Variants in KLHL18 observed in about 807,000 individuals in gnomAD.
KLHL18 encodes the protein kelch-like protein 18.
In KLHL18, 38 loss-of-function variants were observed where a neutral mutation model predicts 58.5. That is an observed-to-expected ratio of 0.65 (90% CI 0.50 to 0.85). KLHL18 has a LOEUF of 0.85. KLHL18 is among the 40% of genes least tolerant of loss of function. KLHL18 has a pLI of 0.00. For missense variants in KLHL18, 624 were observed against 778.4 expected (o/e 0.80, Z 2.36); for synonymous variants, 303 against 301.9 (o/e 1.00, Z -0.04).
intron 3 of KLHL18, among the ~76,000 whole-genome samples, chr3:47,329,699 A>G (rs1703809446): frequency 6.6e-6 from 1 of 152,210 alleles, no homozygotes; most frequent in South Asian, 2.1e-4. Context: ...CAGTTACTTT[A>G]CAGAACTACC....
At chr3:47,297,837 A>G (rs1264321599) in intron 1 of KLHL18, among the ~76,000 whole-genome samples, 1 of 152,166 alleles carries the variant, frequency 6.6e-6, no homozygotes, top group East Asian at 1.9e-4. Flanking sequence ...GCCTGGATGG[A>G]GAGACATTCA....
At chr3:47,322,274 T>A (rs986679459) in intron 2 of KLHL18, among the ~76,000 whole-genome samples, 11 of 152,214 alleles carry the variant, frequency 7.2e-5, no homozygotes, top group Admixed American at 3.3e-4. Flanking sequence ...ATTATATCCA[T>A]ATAATTCATG....
At position 47,282,982 on chromosome 3, in the gene KLHL18, C is replaced by G. The variant is rs1482388785; in HGVS notation, c.17C>G (p.Ala6Gly). 1 of 1,610,796 alleles carries G rather than the reference C, an allele frequency of 6.2e-7. No homozygotes were observed. Among genetic ancestry groups the G allele is most frequent in the African/African-American group, 1.3e-5 (1 of 74,968 alleles). Residue 6 changes from alanine (A) to glycine (G), a missense_variant, in exon 1 of 10, where the codon GCG becomes GGG. Coordinates refer to ENST00000232766, the MANE Select transcript of KLHL18 (RefSeq NM_025010.5). ...CCGGGGAAGATGGTGGAGGACGGCG[C>G]GGAGGAGCTGGAGGATCTGGTGCAC... MVEDG[A>G]EELEDLVHFS...
At chr3:47,287,094 C>A (rs1199991190) in intron 1 of KLHL18, 1 of 152,248 alleles carries the variant, frequency 6.6e-6, no homozygotes, top group Non-Finnish European at 1.5e-5. Flanking sequence ...ATCCGCAATA[C>A]TCAGTATCCT....
rs295449 is a variant in KLHL18 at position 47,334,465 on chromosome 3, G to A, written c.762-218G>A. Among the ~76,000 whole-genome samples, 74,730 of 151,888 alleles carry A rather than the reference G, an allele frequency of 0.49. 20,024 individuals carry two copies. Among genetic ancestry groups the A allele is most frequent in the Non-Finnish European group, 0.6 (40,500 of 67,934 alleles). ...ATGCCTAATCTACACTAGCTGAGGT[G>A]GTCTTTGCTTGTCTTGCCCCTTTAA... On this transcript the variant is annotated intron_variant, in intron 5 of 9. Transcript: ENST00000232766. The surrounding 1 kb of genome is among the most constrained non-coding windows in gnomAD (Gnocchi z 4.7).
chr3:47,298,353 T>TTAAA (rs1553629791), intron 1 of KLHL18, among the ~76,000 whole-genome samples: 1 of 118,558 alleles, frequency 8.4e-6, no homozygotes. Flanking sequence ...ATCCTGTCTC[T>TTAAA]AAAAAAAAAA....
chr3:47,298,943 C>T (rs550157359), intron 1 of KLHL18, among the ~76,000 whole-genome samples: 1 of 152,254 alleles, frequency 6.6e-6, no homozygotes, highest in East Asian at 1.9e-4. Context: ...TTCCAACCAT[C>T]GAAGGACATT....
intron 3 of KLHL18, among the ~76,000 whole-genome samples, chr3:47,327,421 G>T (rs574478108): frequency 1.3e-5 from 2 of 152,210 alleles, no homozygotes; most frequent in Admixed American, 1.3e-4. Flanking sequence ...CTTCTGCCCC[G>T]TGGCATTTTG....
At chr3:47,322,443 T>C in intron 2 of KLHL18, 125 bp from the exon 3 acceptor site, 2 of 805,224 alleles carry the variant, frequency 2.5e-6, no homozygotes, top group South Asian at 4.1e-5. Flanking sequence ...GGTGAAGTAG[T>C]TACTCCATTA....
chr3:47,339,160 A>C (rs138676146), intron 7 of KLHL18, among the ~76,000 whole-genome samples: 12 of 152,236 alleles, frequency 7.9e-5, no homozygotes, highest in Non-Finnish European at 1.5e-4. Flanking sequence ...TACAGTGATT[A>C]TGGTGCTCTT....
intron 3 of KLHL18, among the ~76,000 whole-genome samples, chr3:47,325,641 A>G (rs2107639069): frequency 6.6e-6 from 1 of 152,236 alleles, no homozygotes; most frequent in East Asian, 1.9e-4. Context: ...TGCTCAGTCT[A>G]TTACATCTTC....
At chr3:47,329,920 C>A (rs367561172) in intron 3 of KLHL18, 31 bp from the exon 4 acceptor site, 1 of 1,592,360 alleles carries the variant, frequency 6.3e-7, no homozygotes, top group Admixed American at 1.7e-5. Flanking sequence ...CTTTCTTCCT[C>A]TAATTTTTTT....
At chr3:47,336,208 C>G (rs1311122328) in intron 6 of KLHL18, among the ~76,000 whole-genome samples, 1 of 152,186 alleles carries the variant, frequency 6.6e-6, no homozygotes, top group East Asian at 1.9e-4. Flanking sequence ...GAGCGCATGC[C>G]CGTCCCTCTG....
intron 1 of KLHL18, among the ~76,000 whole-genome samples, chr3:47,285,304 A>G (rs1576125380): frequency 6.6e-6 from 1 of 152,252 alleles, no homozygotes; most frequent in East Asian, 1.9e-4. Context: ...ATTACATGGT[A>G]GAAGATGTTA....
At chr3:47,288,573 T>G (rs1702726191) in intron 1 of KLHL18, among the ~76,000 whole-genome samples, 1 of 152,202 alleles carries the variant, frequency 6.6e-6, no homozygotes, top group Non-Finnish European at 1.5e-5. Flanking sequence ...GCATGCCACA[T>G]TCTCAAAATT....
chr3:47,290,320 G>A (rs909340535), intron 1 of KLHL18, among the ~76,000 whole-genome samples: 1 of 152,172 alleles, frequency 6.6e-6, no homozygotes, highest in Non-Finnish European at 1.5e-5. Flanking sequence ...TAGTCTTTTA[G>A]ACATATGAAT....
At chr3:47,297,338 T>C (rs1053357031) in intron 1 of KLHL18, among the ~76,000 whole-genome samples, 3 of 152,226 alleles carry the variant, frequency 2.0e-5, no homozygotes, top group Non-Finnish European at 2.9e-5. Flanking sequence ...AACCTGTGTC[T>C]CTCTGTCCGT....
chr3:47,309,254 A>T (rs1357224258), intron 1 of KLHL18, among the ~76,000 whole-genome samples: 3 of 152,232 alleles, frequency 2.0e-5, no homozygotes, highest in Admixed American at 1.3e-4. Flanking sequence ...CGCCATCGTC[A>T]TCATGGCCCG....
chr3:47,313,248 C>G (rs1703347101), intron 1 of KLHL18, among the ~76,000 whole-genome samples: 1 of 143,924 alleles, frequency 6.9e-6, no homozygotes, highest in Admixed American at 7.1e-5. Context: ...GAAAGGGTCT[C>G]ACTTTGCTGC....
Sources: allele counts gnomAD v4.1 joint callset (sites outside exome capture counted in the v4.1 genomes callset), GRCh38; gene constraint gnomAD v4.1.1; non-coding constraint Gnocchi (gnomAD v3.1); transcripts MANE v1.5; gene names NCBI Gene and HGNC (gene_info 2026-07-23, HGNC 2026-07-21).